The following CMSS1 variants were observed in gnomAD, a reference collection of about 807,000 sequenced individuals.
CMSS1 encodes the protein cms1 ribosomal small subunit homolog.
CMSS1 carries 33 observed loss-of-function variants against 43.5 expected under a neutral mutation model. That is an observed-to-expected ratio of 0.76 (90% CI 0.57 to 1.01). The LOEUF (loss-of-function observed/expected upper bound fraction) is 1.01, where lower values mean the gene tolerates loss of function less well. Ranked by LOEUF, CMSS1 falls within the 50% of genes least tolerant of loss-of-function variation. The pLI is 0.00. For missense variants in CMSS1, 313 were observed against 326.4 expected (o/e 0.96, Z 0.32); for synonymous variants, 115 against 117.2 (o/e 0.98, Z 0.12).
intron 2 of CMSS1, among the ~76,000 whole-genome samples, chr3:100,154,329 A>G (rs2066951597): frequency 6.6e-6 from 1 of 152,178 alleles, no homozygotes; most frequent in Non-Finnish European, 1.5e-5. Flanking sequence ...AGAGCAGAAC[A>G]TGTATTTTTA....
At chr3:100,076,157 C>A (rs1418630460) in intron 1 of CMSS1, among the ~76,000 whole-genome samples, 1 of 152,264 alleles carries the variant, frequency 6.6e-6, no homozygotes, top group South Asian at 2.1e-4. Context: ...CCCGGAAAAC[C>A]CTTAAAAATG....
chr3:100,139,581 GTA>G (rs1163971358), intron 1 of CMSS1, among the ~76,000 whole-genome samples: 11 of 140,660 alleles, frequency 7.8e-5, no homozygotes, highest in African/African-American at 2.7e-4. Context: ...ATATATATGT[GTA>G]TATATATGTG....
At chr3:100,025,084 CAG>C (rs1268853787) in intron 1 of CMSS1, among the ~76,000 whole-genome samples, 1 of 152,270 alleles carries the variant, frequency 6.6e-6, no homozygotes, top group East Asian at 1.9e-4. Flanking sequence ...GATAATAAAA[CAG>C]ACTCTTTGTT....
chr3:99,965,188 G>A (rs1322058587), intron 1 of CMSS1, among the ~76,000 whole-genome samples: 2 of 152,228 alleles, frequency 1.3e-5, no homozygotes, highest in Non-Finnish European at 2.9e-5. Context: ...TGTGAGATGA[G>A]GGATATGTGC....
At chr3:100,043,635 G>T (rs2065239180) in intron 1 of CMSS1, among the ~76,000 whole-genome samples, 1 of 152,116 alleles carries the variant, frequency 6.6e-6, no homozygotes, top group African/African-American at 2.4e-5. Flanking sequence ...TACATCCCTG[G>T]AAGGTGATTA....
At chr3:99,913,636 C>T (rs1405117969) in intron 1 of CMSS1, among the ~76,000 whole-genome samples, 1 of 152,078 alleles carries the variant, frequency 6.6e-6, no homozygotes, top group Non-Finnish European at 1.5e-5. Flanking sequence ...TCATGAATTG[C>T]TGATATATGC....
chr3:99,965,129 TC>T (rs1287530018), intron 1 of CMSS1, among the ~76,000 whole-genome samples: 31 of 152,244 alleles, frequency 2.0e-4, no homozygotes, highest in Admixed American at 2.0e-3. Flanking sequence ...GAAAATGTTT[TC>T]TGAAGCAATG....
At chr3:100,087,751 T>C (rs2066036014) in intron 1 of CMSS1, among the ~76,000 whole-genome samples, 1 of 152,064 alleles carries the variant, frequency 6.6e-6, no homozygotes, top group African/African-American at 2.4e-5. Context: ...CAGTGTTCTC[T>C]TGTGGACTGT....
At chr3:99,922,769 A>T (rs1707164534) in intron 1 of CMSS1, among the ~76,000 whole-genome samples, 1 of 152,076 alleles carries the variant, frequency 6.6e-6, no homozygotes, top group African/African-American at 2.4e-5. Flanking sequence ...AAAATAATCT[A>T]CCCTACATAT....
intron 1 of CMSS1, among the ~76,000 whole-genome samples, chr3:100,039,316 A>G (rs1046252848): frequency 1.3e-5 from 2 of 152,218 alleles, no homozygotes; most frequent in African/African-American, 2.4e-5. Context: ...TATGAAGTAC[A>G]TAAGAAGTAC....
intron 1 of CMSS1, among the ~76,000 whole-genome samples, chr3:99,822,401 A>G (rs935140821): frequency 6.6e-6 from 1 of 152,210 alleles, no homozygotes; most frequent in Admixed American, 6.5e-5. Context: ...GTGTTAAGAC[A>G]CTGCTATGTA....
At chr3:99,830,352 G>A (rs1036684055) in intron 1 of CMSS1, 11 of 362,258 alleles carry the variant, frequency 3.0e-5, no homozygotes, top group African/African-American at 2.3e-4. Flanking sequence ...TTTCATAGTG[G>A]TAATTTTAGC....
rs1269579550 is a variant in CMSS1, at chr3:100,180,854, A to G, written c.*2466A>G. On this transcript the variant is annotated 3_prime_UTR_variant, in exon 10 of 10. Coordinates refer to ENST00000421999, the MANE Select transcript of CMSS1 (RefSeq NM_032359.4). ...TGTATTCTTCCATTTTTACACTGCTATGAAGAACTACCTGAGACTGGGTAG... is the reference window on the plus strand; with the variant it reads ...TGTATTCTTCCATTTTTACACTGCTGTGAAGAACTACCTGAGACTGGGTAG... 4 of 152,206 alleles carry G rather than the reference A, an allele frequency of 2.6e-5. No homozygotes were observed. The highest frequency in any genetic ancestry group is 5.9e-5 in the Non-Finnish European group (4 of 68,050). The allele number at this position is 152,206 out of a possible 1,614,324, so 9.4% of individuals were successfully genotyped here.
At chr3:99,902,291 A>G (rs545484382) in intron 1 of CMSS1, among the ~76,000 whole-genome samples, 36 of 152,314 alleles carry the variant, frequency 2.4e-4, no homozygotes, top group Non-Finnish European at 1.9e-4. Flanking sequence ...AACAGTTTCT[A>G]TTACACCCAG....
intron 1 of CMSS1, among the ~76,000 whole-genome samples, chr3:100,084,719 AC>A (rs2065981570): frequency 6.6e-6 from 1 of 152,222 alleles, no homozygotes; most frequent in Non-Finnish European, 1.5e-5. Context: ...GATCAACCTC[AC>A]TTTTTCCACT....
Position 100,127,463 on chromosome 3 carries a change from C to T in CMSS1, c.65-19510C>T, listed in dbSNP as rs1037045118. On this transcript the variant is annotated intron_variant, in intron 1 of 9. Coordinates refer to ENST00000421999, the MANE Select transcript of CMSS1 (RefSeq NM_032359.4). ...ACAGAGTTCTGTACCTTAGCTGTTCCAGGGCTAGGAAATCTAATTATCTAG... is the reference window on the plus strand; with the variant it reads ...ACAGAGTTCTGTACCTTAGCTGTTCTAGGGCTAGGAAATCTAATTATCTAG... Among the ~76,000 whole-genome samples, 3 of 152,218 alleles carry T rather than the reference C, an allele frequency of 2.0e-5. No homozygotes were observed. The South Asian group carries it at 6.2e-4, about 31-fold the overall frequency.
intron 1 of CMSS1, among the ~76,000 whole-genome samples, chr3:100,119,884 G>T (rs1024023905): frequency 1.3e-5 from 2 of 152,124 alleles, no homozygotes; most frequent in East Asian, 3.9e-4. Flanking sequence ...GAAAGTTCTG[G>T]ATAATCTACA....
intron 1 of CMSS1, among the ~76,000 whole-genome samples, chr3:99,995,315 C>A (rs1162450139): frequency 6.6e-6 from 1 of 152,194 alleles, no homozygotes; most frequent in Admixed American, 6.5e-5. Flanking sequence ...CTCCTTTATC[C>A]CCAGGTCTCA....
At chr3:100,103,282 A>G (rs1267351275) in intron 1 of CMSS1, among the ~76,000 whole-genome samples, 2 of 152,230 alleles carry the variant, frequency 1.3e-5, no homozygotes, top group African/African-American at 4.8e-5. Flanking sequence ...TGAGACAGCA[A>G]GAGTCAGCCA....
Sources: allele counts gnomAD v4.1 joint callset (sites outside exome capture counted in the v4.1 genomes callset), GRCh38; gene constraint gnomAD v4.1.1; transcripts MANE v1.5; gene names NCBI Gene and HGNC (gene_info 2026-07-23, HGNC 2026-07-21).